KALRN: variants seen among roughly 807,000 people sequenced by gnomAD.
KALRN encodes kalirin.
Under a neutral mutation model 353.7 loss-of-function variants are expected in KALRN, and 70 were observed. The observed-to-expected ratio is 0.20, with a 90% CI of 0.16 to 0.24. KALRN has a LOEUF of 0.24. Among genes scored for constraint, KALRN ranks in the 10% least tolerant of loss-of-function variants. KALRN has a pLI of 1.00. For missense variants in KALRN, 2,791 were observed against 3,756.7 expected, an observed-to-expected ratio of 0.74 and a Z score of 6.72; for synonymous variants, 1,391 against 1,434.8, an observed-to-expected ratio of 0.97 and a Z score of 0.69.
intron 10 of KALRN, among the ~76,000 whole-genome samples, chr3:124,383,988 T>A (rs1169320859): frequency 6.6e-6 from 1 of 152,180 alleles, no homozygotes; most frequent in Non-Finnish European, 1.5e-5. Context: ...TCACCAGCTC[T>A]AAGTCAGGAC....
chr3:124,249,502 A>G (rs921854094), intron 3 of KALRN, among the ~76,000 whole-genome samples: 4 of 152,174 alleles, frequency 2.6e-5, no homozygotes, highest in African/African-American at 7.2e-5. Flanking sequence ...AATGCTGTCT[A>G]AAGGGGTCCA....
At chr3:124,605,788 A>C (rs566240376) in intron 34 of KALRN, among the ~76,000 whole-genome samples, 1 of 152,296 alleles carries the variant, frequency 6.6e-6, no homozygotes, top group South Asian at 2.1e-4. Flanking sequence ...ATGTACACCC[A>C]GGTTTTTAAG....
At chr3:124,384,751 C>T in intron 10 of KALRN, 94 bp from the exon 11 acceptor site, 1 of 1,256,256 alleles carries the variant, frequency 8.0e-7, no homozygotes, top group Non-Finnish European at 1.1e-6. Flanking sequence ...AGCTCAGCGC[C>T]CACGCCCCTC....
intron 33 of KALRN, among the ~76,000 whole-genome samples, chr3:124,513,274 G>A: frequency 6.6e-6 from 1 of 152,286 alleles, no homozygotes; most frequent in South Asian, 2.1e-4. Context: ...GTGAGGAAAA[G>A]CTTGAAATAT....
chr3:124,640,388 G>C (rs2081913387), intron 37 of KALRN, among the ~76,000 whole-genome samples: 2 of 150,002 alleles, frequency 1.3e-5, no homozygotes, highest in Admixed American at 6.7e-5. Context: ...CCAGGTTCAA[G>C]TGATTCTCAT....
chr3:124,695,005 T>C (rs1193342560), intron 53 of KALRN, among the ~76,000 whole-genome samples: 1 of 152,230 alleles, frequency 6.6e-6, no homozygotes. Context: ...TGGCGAAGGC[T>C]CCAGACCTGT....
rs377421115 is a variant in KALRN, at chr3:124,384,953, C to G, written c.1879C>G (p.Arg627Gly). 6.2e-7 allele frequency: 1 copy of G among 1,614,044 alleles called. No homozygotes were observed. Among genetic ancestry groups the G allele is most frequent in the Non-Finnish European group, 8.5e-7 (1 of 1,179,956 alleles). The change falls in exon 11 of 60, where the codon CGC (arginine) becomes GGC (glycine). Residue 627 changes from arginine (R) to glycine (G), a missense_variant. By Grantham distance (125) the Arg-to-Gly change is moderately radical. Transcript: ENST00000682506. ...IYKAARHLEVRIQDFVRRVEQ... is the reference protein window; with the variant it reads ...IYKAARHLEVGIQDFVRRVEQ... ...CAAGGCAGCTCGACACCTGGAGGTG[C>G]GCATCCAAGACTTCGTGCGCAGGGT...
chr3:124,283,895 G>A (rs967042534), intron 5 of KALRN, among the ~76,000 whole-genome samples: 2 of 152,156 alleles, frequency 1.3e-5, no homozygotes, highest in Non-Finnish European at 2.9e-5. Context: ...TGTTGTGACT[G>A]CCAGTTTATC....
intron 25 of KALRN, among the ~76,000 whole-genome samples, chr3:124,467,692 G>A (rs773987943): frequency 7.9e-5 from 12 of 152,128 alleles, no homozygotes; most frequent in Admixed American, 1.3e-4. Flanking sequence ...TCTCATTGTC[G>A]CACTCCCAGG....
At chr3:124,680,342 G>T (rs2087651689) in intron 51 of KALRN, among the ~76,000 whole-genome samples, 1 of 152,360 alleles carries the variant, frequency 6.6e-6, no homozygotes, top group South Asian at 2.1e-4. Context: ...TAGAAACGTG[G>T]CTCTTACGTG....
chr3:124,099,115 A>G (rs1222102230), intron 1 of KALRN, among the ~76,000 whole-genome samples: 1 of 152,226 alleles, frequency 6.6e-6, no homozygotes, highest in Non-Finnish European at 1.5e-5. Flanking sequence ...TGTTAGGAAC[A>G]TTTCAAATCT....
In KALRN at chr3:124,658,522, G is replaced by A. The variant is rs2084384020; in HGVS notation, c.6123+5G>A. On this transcript the variant is annotated splice_donor_5th_base_variant and intron_variant, in intron 42 of 59. Transcript: ENST00000682506. Reference sequence around the variant, plus strand: ...GAGTATGACGCCTACTTTGAGGTAAGCTGTGCAGGCTTTGCTGAACTGGGG... The same window carrying A: ...GAGTATGACGCCTACTTTGAGGTAAACTGTGCAGGCTTTGCTGAACTGGGG... The A allele has an allele frequency of 6.2e-7, 1 of 1,612,744 alleles. No homozygotes were observed. The highest frequency in any genetic ancestry group is 8.5e-7 in the Non-Finnish European group (1 of 1,178,822).
rs541426289 is a variant in KALRN, at chr3:124,397,685, A to G, written c.2172-1012A>G. Reference sequence around the variant, plus strand: ...TTTTGCTAAGCAAATCAATCTGTTTATCTCTCGGCTTCCCTCTATAAGGCA... The same window carrying G: ...TTTTGCTAAGCAAATCAATCTGTTTGTCTCTCGGCTTCCCTCTATAAGGCA... On this transcript the variant is annotated intron_variant, in intron 12 of 59. Coordinates refer to ENST00000682506, the MANE Select transcript of KALRN (RefSeq NM_001388419.1). Among the ~76,000 whole-genome samples, 92 of 152,266 alleles carry G rather than the reference A, an allele frequency of 6.0e-4. 1 individual carries two copies. Among genetic ancestry groups the G allele is most frequent in the Non-Finnish European group, 9.4e-4 (64 of 68,020 alleles).
chr3:124,081,147 T>C (rs747928164), intron 1 of KALRN, among the ~76,000 whole-genome samples: 18 of 152,190 alleles, frequency 1.2e-4, no homozygotes, highest in Non-Finnish European at 1.8e-4. Flanking sequence ...TCTATGACAT[T>C]CTCCTGTCTA....
chr3:124,460,501 G>T (rs751739441), intron 23 of KALRN, among the ~76,000 whole-genome samples: 3 of 152,178 alleles, frequency 2.0e-5, no homozygotes, highest in African/African-American at 7.2e-5. Context: ...CTCAAAGGCC[G>T]TCAGTTTATG....
At position 124,722,242 on chromosome 3, in the gene KALRN, C is replaced by T. The variant is rs1290929335; in HGVS notation, c.*2772C>T. ...TGGGGGCAGTTGACAGAATGTTAGA[C>T]AGACCCCAAGCTTTCATATCAGCTT... is the stretch of plus-strand genomic sequence containing the variant. On this transcript the variant is annotated 3_prime_UTR_variant, in exon 60 of 60. Coordinates refer to ENST00000682506, the MANE Select transcript of KALRN (RefSeq NM_001388419.1). 2 of 152,156 alleles carry T rather than the reference C, an allele frequency of 1.3e-5. No individual in the cohort carries two copies. The highest frequency in any genetic ancestry group is 4.8e-5 in the African/African-American group (2 of 41,420). 9.4% of individuals were successfully genotyped at this position (152,156 alleles called of 1,614,324 possible).
intron 33 of KALRN, among the ~76,000 whole-genome samples, chr3:124,549,085 A>G (rs1414425148): frequency 6.6e-6 from 1 of 152,192 alleles, no homozygotes; most frequent in Non-Finnish European, 1.5e-5. Flanking sequence ...AAGAGAACTT[A>G]TATCTTTAAC....
At chr3:124,510,703 T>C (rs2065809002) in intron 33 of KALRN, among the ~76,000 whole-genome samples, 1 of 152,138 alleles carries the variant, frequency 6.6e-6, no homozygotes, top group Non-Finnish European at 1.5e-5. Context: ...CTCTTCTCTT[T>C]CTCATATTGT....
chr3:124,671,726 C>A lies in KALRN; in HGVS notation c.6770C>A (p.Ala2257Asp). The change falls in exon 48 of 60, where the codon GCC becomes GAC. Residue 2257 changes from alanine to aspartate, a missense_variant. By Grantham distance (126) the Ala-to-Asp change is moderately radical. This residue lies in a region of KALRN where 1,065 missense variants were observed against 1,156.4 expected (regional missense o/e 0.92). Coordinates refer to ENST00000682506, the MANE Select transcript of KALRN (RefSeq NM_001388419.1). ...ACAGCTGTGATGAGGTCTCAACCTG[C>A]CAGGCTTCCCCAAGCCAGCCCCAGG... ...RSTAVMRSQP[A>D]RLPQASPRPY... 1.2e-6 allele frequency: 2 copies of A among 1,614,098 alleles called. No individual in the cohort carries two copies. The highest frequency in any genetic ancestry group is 1.7e-5 in the Admixed American group (1 of 60,012).
Sources: allele counts gnomAD v4.1 joint callset (sites outside exome capture counted in the v4.1 genomes callset), GRCh38; gene constraint gnomAD v4.1.1; regional missense constraint gnomAD v4.1.1; transcripts MANE v1.5; gene names NCBI Gene and HGNC (gene_info 2026-07-23, HGNC 2026-07-21).